The following CDC42SE2 variants were observed in gnomAD, a reference collection of about 807,000 sequenced individuals.
CDC42SE2 encodes the protein CDC42 small effector 2, also known as CDC42 small effector protein 2.
In CDC42SE2, 3 loss-of-function variants were observed where a neutral mutation model predicts 11.5. The observed-to-expected ratio is 0.26, with a 90% confidence interval of 0.12 to 0.67. CDC42SE2 has a LOEUF of 0.67. Ranked by LOEUF, CDC42SE2 falls within the 30% of genes least tolerant of loss-of-function variation. The pLI is 0.80. For synonymous variants in CDC42SE2, 33 were observed against 34.8 expected (o/e 0.95, Z 0.18); for missense variants, 82 against 106.8 (o/e 0.77, Z 1.02).
At chr5:131,306,725 T>C (rs1024192265) in intron 1 of CDC42SE2, among the ~76,000 whole-genome samples, 5 of 152,210 alleles carry the variant, frequency 3.3e-5, no homozygotes, top group Non-Finnish European at 1.5e-5. Context: ...TCCCTGAACA[T>C]GGGATACCAT....
rs375188386 is a variant in CDC42SE2 at position 131,362,696 on chromosome 5, T to C, written c.54+3149T>C. ...TTCTCCTCCTACTCCTTCATTTTAA[T>C]ATAGTACAATGCAGGGTATAATAGA... On this transcript the variant is annotated intron_variant, in intron 3 of 4. Coordinates refer to ENST00000505065, the MANE Select transcript of CDC42SE2 (RefSeq NM_001375635.1). Among the ~76,000 whole-genome samples the C allele has an allele frequency of 4.6e-5, 7 of 152,318 alleles. No individual in the cohort carries two copies. The East Asian group carries it at 1.2e-3, about 25-fold the overall frequency.
chr5:131,390,241 C>T (rs1750608470), intron 4 of CDC42SE2, among the ~76,000 whole-genome samples: 2 of 152,156 alleles, frequency 1.3e-5, no homozygotes, highest in African/African-American at 2.4e-5. Context: ...TAACATGGTA[C>T]ATTTTTTGAC....
intron 1 of CDC42SE2, among the ~76,000 whole-genome samples, chr5:131,267,340 A>C (rs1442934588): frequency 2.0e-5 from 3 of 151,738 alleles, no homozygotes; most frequent in Non-Finnish European, 4.4e-5. Context: ...TACAGGCGTG[A>C]GCCACCACGC....
At chr5:131,345,964 C>T (rs1758832583) in intron 2 of CDC42SE2, among the ~76,000 whole-genome samples, 1 of 152,176 alleles carries the variant, frequency 6.6e-6, no homozygotes, top group Non-Finnish European at 1.5e-5. Context: ...GATTTTGTCA[C>T]CACCAGGCCT....
chr5:131,220,987 C>A, the CDC42SE2 span, among the ~76,000 whole-genome samples: 3 of 150,036 alleles, frequency 2.0e-5, no homozygotes, highest in South Asian at 4.2e-4. Flanking sequence ...TGGGTTCAAG[C>A]AATTATCCTG....
At chr5:131,354,144 G>T (rs763184059) in intron 2 of CDC42SE2, among the ~76,000 whole-genome samples, 1 of 151,802 alleles carries the variant, frequency 6.6e-6, no homozygotes, top group Non-Finnish European at 1.5e-5. Flanking sequence ...GAAGATTAAG[G>T]GTAGGATGGT....
chr5:131,383,256 AAGAT>A (rs1171048525), intron 3 of CDC42SE2, among the ~76,000 whole-genome samples: 3 of 152,216 alleles, frequency 2.0e-5, no homozygotes, highest in East Asian at 1.9e-4. Flanking sequence ...ATGCGAGAAA[AAGAT>A]AGCAGGAAAC....
rs943710313 is a variant in CDC42SE2 at position 131,270,493 on chromosome 5, T to C, written c.-455+6327T>C. Among the ~76,000 whole-genome samples, 104 of 152,376 alleles carry C rather than the reference T, an allele frequency of 6.8e-4. 1 individual carries two copies. The highest frequency in any genetic ancestry group is 2.3e-3 in the African/African-American group (97 of 41,596). ...AAATGAATTTTGAGTACATTCAACA[T>C]TGTGTATGTTTTACACCGTATATAT... On this transcript the variant is annotated intron_variant, in intron 1 of 4. Transcript: ENST00000505065.
chr5:131,227,944 T>C, the CDC42SE2 span, among the ~76,000 whole-genome samples: 1 of 152,190 alleles, frequency 6.6e-6, no homozygotes, highest in African/African-American at 2.4e-5. Flanking sequence ...TCCCAGCACT[T>C]TGGGAGGCCA....
chr5:131,235,224 T>G, the CDC42SE2 span, among the ~76,000 whole-genome samples: 1 of 151,888 alleles, frequency 6.6e-6, no homozygotes, highest in Non-Finnish European at 1.5e-5. Flanking sequence ...GTTTACTGAT[T>G]CAAATGCTCA....
intron 2 of CDC42SE2, among the ~76,000 whole-genome samples, chr5:131,349,953 TTG>T (rs1404881297): frequency 3.9e-5 from 6 of 152,102 alleles, no homozygotes; most frequent in Admixed American, 3.9e-4. Context: ...TAAATAGAAT[TTG>T]TGAAAACAAA....
chr5:131,365,434 CAAA>C (rs1749825078), intron 3 of CDC42SE2, among the ~76,000 whole-genome samples: 2 of 152,118 alleles, frequency 1.3e-5, no homozygotes, highest in Non-Finnish European at 2.9e-5. Flanking sequence ...AGTGATTGGT[CAAA>C]TATGATGGAT....
In CDC42SE2 at chr5:131,293,249, G is replaced by C. The variant is rs1464503072; in HGVS notation, c.-454-22727G>C. Reference sequence around the variant, plus strand: ...TAGCTCTACCCTTCTACCATGTGAAGATACAGTGAGAAGGTACCGTCTAAG... The same window carrying C: ...TAGCTCTACCCTTCTACCATGTGAACATACAGTGAGAAGGTACCGTCTAAG... On this transcript the variant is annotated intron_variant, in intron 1 of 4. Transcript: ENST00000505065. Among the ~76,000 whole-genome samples, 7 of 152,286 alleles carry C rather than the reference G, an allele frequency of 4.6e-5. No individual in the cohort carries two copies. The East Asian group carries it at 1.4e-3, about 29-fold the overall frequency.
upstream of CDC42SE2, among the ~76,000 whole-genome samples, chr5:131,240,749 G>T (rs568281469): frequency 6.6e-6 from 1 of 152,230 alleles, no homozygotes; most frequent in Non-Finnish European, 1.5e-5. Context: ...TGGTGAATTT[G>T]TCCCAAAGCT....
the CDC42SE2 span, among the ~76,000 whole-genome samples, chr5:131,231,058 G>A: frequency 6.6e-6 from 1 of 152,108 alleles, no homozygotes; most frequent in Admixed American, 6.5e-5. Flanking sequence ...ATGTTTATCA[G>A]CAGTATTGAC....
intron 2 of CDC42SE2, among the ~76,000 whole-genome samples, chr5:131,348,843 A>C (rs1758924056): frequency 6.6e-6 from 1 of 152,198 alleles, no homozygotes; most frequent in African/African-American, 2.4e-5. Context: ...CCACACATCT[A>C]CACCCATCTG....
At chr5:131,339,252 A>G (rs1020477875) in intron 2 of CDC42SE2, among the ~76,000 whole-genome samples, 9 of 145,770 alleles carry the variant, frequency 6.2e-5, no homozygotes, top group Non-Finnish European at 1.0e-4. Flanking sequence ...GTCTGAAAAA[A>G]AAAAAAAAAA....
intron 2 of CDC42SE2, among the ~76,000 whole-genome samples, chr5:131,341,428 T>C (rs1048872890): frequency 6.6e-6 from 1 of 152,218 alleles, no homozygotes; most frequent in South Asian, 2.1e-4. Context: ...TGGTATTCTA[T>C]ATTCAACTAA....
chr5:131,309,208 T>C (rs1757845227), intron 1 of CDC42SE2, among the ~76,000 whole-genome samples: 1 of 152,182 alleles, frequency 6.6e-6, no homozygotes, highest in Admixed American at 6.5e-5. Flanking sequence ...GATAATCATG[T>C]GGTTTTTGTC....
Sources: allele counts gnomAD v4.1 joint callset (sites outside exome capture counted in the v4.1 genomes callset), GRCh38; gene constraint gnomAD v4.1.1; transcripts MANE v1.5; gene names NCBI Gene and HGNC (gene_info 2026-07-23, HGNC 2026-07-21).